Variants in KRI1 observed in about 807,000 individuals in gnomAD.
KRI1 encodes the protein KRI1 homolog.
KRI1 carries 83 observed loss-of-function variants against 97.0 expected under a neutral mutation model. The ratio of observed to expected loss-of-function variants is 0.86; its 90% CI spans 0.72 to 1.03. KRI1 has a LOEUF of 1.03. Among genes scored for constraint, KRI1 ranks in the 50% least tolerant of loss-of-function variants. The probability of loss-of-function intolerance (pLI) is 0.00; values close to 1 mark genes in which losing one functional copy is unlikely to be tolerated. For missense variants in KRI1, 916 were observed against 928.4 expected (o/e 0.99, Z 0.17); for synonymous variants, 371 against 363.5 (o/e 1.02, Z -0.23).
chr19:10,556,139 C>T (rs2144715190), intron 16 of KRI1, among the ~76,000 whole-genome samples: 1 of 152,234 alleles, frequency 6.6e-6, no homozygotes, highest in Admixed American at 6.5e-5. Flanking sequence ...GTGGCAGGCT[C>T]ACAGCTCACA....
intron 12 of KRI1, among the ~76,000 whole-genome samples, 170 bp downstream of exon 12, chr19:10,559,189 G>A (rs533710543): frequency 4.6e-5 from 7 of 152,012 alleles, no homozygotes; most frequent in African/African-American, 1.4e-4. Context: ...ATTTTTAGTA[G>A]AGATGAGGTT....
rs1288528735 is a variant in KRI1 at position 10,555,075 on chromosome 19, AG to A, written c.1781+11del. 14 of 1,610,710 alleles carry A rather than the reference AG, an allele frequency of 8.7e-6. No homozygotes were observed. The African/African-American group carries it at 1.2e-4, about 14-fold the overall frequency. ...GCTCCCCACCCACGCTTCCCCAGCC[AG>A]CACTGCTTACTCTTCTCGGCAGAGT... On this transcript the variant is annotated intron_variant, in intron 18 of 18. Coordinates refer to ENST00000312962, the MANE Select transcript of KRI1 (RefSeq NM_023008.5).
At chr19:10,557,715 G>A in intron 15 of KRI1, 33 bp from the exon 16 acceptor site, 1 of 1,614,084 alleles carries the variant, frequency 6.2e-7, no homozygotes, top group Non-Finnish European at 8.5e-7. Flanking sequence ...GCTGGGCTAT[G>A]CCAGGCCCCG....
In KRI1 at chr19:10,562,292, T is replaced by C. The variant is rs145050189; in HGVS notation, c.383+437A>G. On this transcript the variant is annotated intron_variant, in intron 4 of 18. Coordinates refer to ENST00000312962, the MANE Select transcript of KRI1 (RefSeq NM_023008.5). Reference sequence around the variant, plus strand: ...CTCAAACTCTTGACCTCAGGTGATCTGCCCGCCTCAGCCTCCCAAGGTGCT... The same window carrying C: ...CTCAAACTCTTGACCTCAGGTGATCCGCCCGCCTCAGCCTCCCAAGGTGCT... Among the ~76,000 whole-genome samples, 1,043 of 152,046 alleles carry C rather than the reference T, an allele frequency of 6.9e-3. 17 individuals are homozygous for C. The highest frequency in any genetic ancestry group is 0.033 in the East Asian group (171 of 5,164).
chr19:10,564,785 G>A, intron 3 of KRI1, 144 bp downstream of exon 3: 1 of 703,074 alleles, frequency 1.4e-6, no homozygotes, highest in Non-Finnish European at 2.6e-6. Context: ...ACAGCCCTGA[G>A]GGGAGATGCT....
At chr19:10,556,819 T>A (rs530302809) in intron 16 of KRI1, among the ~76,000 whole-genome samples, 10 of 151,034 alleles carry the variant, frequency 6.6e-5, no homozygotes, top group African/African-American at 2.2e-4. Flanking sequence ...CAGTAAAACA[T>A]CATCTGTACA....
chr19:10,565,166 C>A, intron 2 of KRI1, 132 bp from the exon 3 acceptor site: 5 of 673,926 alleles, frequency 7.4e-6, no homozygotes, highest in Admixed American at 2.6e-5. Context: ...AACAGGTGGT[C>A]AAACAGCAGG....
chr19:10,565,943 CCGCGCGGCAAACGCCG>C lies in KRI1; in HGVS notation c.41_56del (p.Ala14GlyfsTer14). 1 of 1,531,468 alleles carries C rather than the reference CCGCGCGGCAAACGCCG, an allele frequency of 6.5e-7. No homozygotes were observed. The highest frequency in any genetic ancestry group is 8.8e-7 in the Non-Finnish European group (1 of 1,140,894). 94.9% of individuals were successfully genotyped at this position (1,531,468 alleles called of 1,614,324 possible). A position where few individuals can be genotyped will look rare whatever the true frequency, so the allele number is the denominator to read the frequency against. On this transcript the variant is annotated frameshift_variant, in exon 1 of 19. Coordinates refer to ENST00000312962, the MANE Select transcript of KRI1 (RefSeq NM_023008.5). LOFTEE classifies it high-confidence loss of function. ...CCTCGCGCTCCCGGTAGCGGTTGTA[CCGCGCGGCAAACGCCG>C]CGTTCACCCGCAGCTGCGACGACCC...
chr19:10,561,144 A>C (rs755401558), intron 7 of KRI1, 25 bp downstream of exon 7: 7 of 1,612,712 alleles, frequency 4.3e-6, no homozygotes, highest in Non-Finnish European at 5.9e-6. Flanking sequence ...GTCCCCCAGC[A>C]GTCCAGTCAG....
rs780575515 is a variant in KRI1 at position 10,553,097 on chromosome 19, CTATT to C, written c.*850_*853del. 5.8e-5 allele frequency: 91 copies of C among 1,560,990 alleles called. No individual in the cohort carries two copies. In the Middle Eastern group the frequency reaches 1.2e-3, roughly 20 times the overall value. ...AGGGGATGAGGGGAAAGATACAACA[CTATT>C]TATTTTTTTATTTATGTCATGTCGG... is the stretch of plus-strand genomic sequence containing the variant. On this transcript the variant is annotated 3_prime_UTR_variant, in exon 19 of 19. Coordinates refer to ENST00000312962, the MANE Select transcript of KRI1 (RefSeq NM_023008.5).
In KRI1 at chr19:10,554,126, G is replaced by A. The variant is rs779510051; in HGVS notation, c.1937C>T (p.Pro646Leu). 14 of 1,614,164 alleles carry A rather than the reference G, an allele frequency of 8.7e-6. No individual in the cohort carries two copies. The South Asian group carries it at 1.5e-4, about 18-fold the overall frequency. The change falls in exon 19 of 19, where the codon CCC becomes CTC. Residue 646 changes from proline to leucine, a missense_variant. Pro to Leu is a moderately conservative substitution (Grantham distance 98). This residue lies in a region of KRI1 where 672 missense variants were observed against 667.2 expected (regional missense o/e 1.01). Transcript: ENST00000312962. ...APVSPHKKPA[P>L]QKRRRAKKAR... The stretch of plus-strand genomic sequence containing the variant: ...CTTCTTGGCCCTCCTCCGCTTCTGG[G>A]GGGCTGGCTTCTTGTGGGGTGATAC...
chr19:10,560,671 T>G (rs949380591), intron 8 of KRI1, among the ~76,000 whole-genome samples: 3 of 152,148 alleles, frequency 2.0e-5, no homozygotes, highest in African/African-American at 7.2e-5. Context: ...GCTCACAAGA[T>G]CCTCCCACCT....
chr19:10,554,755 C>G (rs2144711772), intron 18 of KRI1, among the ~76,000 whole-genome samples: 1 of 152,304 alleles, frequency 6.6e-6, no homozygotes, highest in African/African-American at 2.4e-5. Context: ...CCCCTGCCTT[C>G]TAGACTGGGC....
chr19:10,561,542 C>T (rs924060758), intron 6 of KRI1, 125 bp downstream of exon 6: 2 of 976,098 alleles, frequency 2.0e-6, no homozygotes, highest in African/African-American at 3.2e-5. Context: ...TGTTATTAAC[C>T]CCGTTTAACT....
intron 6 of KRI1, 149 bp downstream of exon 6, chr19:10,561,518 G>A: frequency 1.1e-6 from 1 of 880,914 alleles, no homozygotes; most frequent in Non-Finnish European, 1.9e-6. Flanking sequence ...AACAAGCTCA[G>A]AGCAGTGCTG....
intron 16 of KRI1, among the ~76,000 whole-genome samples, chr19:10,555,931 C>A: frequency 6.6e-6 from 1 of 152,298 alleles, no homozygotes; most frequent in Middle Eastern, 3.4e-3. Flanking sequence ...TCCATAGTCA[C>A]CAAAGTTGGG....
In KRI1 at chr19:10,557,782, G is replaced by A. The variant is rs762319437; in HGVS notation, c.1473C>T (p.Pro491=). 10 of 1,613,074 alleles carry A rather than the reference G, an allele frequency of 6.2e-6. No individual in the cohort carries two copies. In the African/African-American group the frequency reaches 6.7e-5, roughly 11 times the overall value. ...CCTGGGCCTCACCGGGTTCAAACACGGGCTTCTCCTGCCCCACGGCCGCGG... is the reference window on the plus strand; with the variant it reads ...CCTGGGCCTCACCGGGTTCAAACACAGGCTTCTCCTGCCCCACGGCCGCGG... The part of the protein sequence containing the change: ...PFAAAVGQEK[P]VFEPGDKTFE... Residue 491 remains proline (P), a synonymous_variant, in exon 15 of 19, where the codon CCC becomes CCT. Coordinates refer to ENST00000312962, the MANE Select transcript of KRI1 (RefSeq NM_023008.5).
At chr19:10,556,512 C>G (rs1338242014) in intron 16 of KRI1, among the ~76,000 whole-genome samples, 1 of 152,016 alleles carries the variant, frequency 6.6e-6, no homozygotes, top group Non-Finnish European at 1.5e-5. Flanking sequence ...ACTAAAAATA[C>G]AAAAATTAAT....
chr19:10,563,617 G>C (rs1355046363), intron 3 of KRI1, among the ~76,000 whole-genome samples: 2 of 151,868 alleles, frequency 1.3e-5, no homozygotes, highest in African/African-American at 4.8e-5. Context: ...AAAGTGCTAG[G>C]ATTACAGGCA....
Sources: allele counts gnomAD v4.1 joint callset (sites outside exome capture counted in the v4.1 genomes callset), GRCh38; gene constraint gnomAD v4.1.1; regional missense constraint gnomAD v4.1.1; transcripts MANE v1.5; gene names NCBI Gene and HGNC (gene_info 2026-07-23, HGNC 2026-07-21).